Variants in GRM8 observed in about 807,000 individuals in gnomAD.
The protein encoded by GRM8 is glutamate metabotropic receptor 8.
GRM8 carries 47 observed loss-of-function variants against 87.2 expected under a neutral mutation model. The observed-to-expected ratio is 0.54, with a 90% CI of 0.43 to 0.69. The LOEUF (loss-of-function observed/expected upper bound fraction) is 0.69. Among genes scored for constraint, GRM8 ranks in the 30% least tolerant of loss-of-function variants. The pLI is 0.00. For synonymous variants in GRM8, 396 were observed against 404.5 expected (o/e 0.98, Z 0.25); for missense variants, 1,019 against 1,139.2 (o/e 0.89, Z 1.52).
At chr7:126,870,619 A>G (rs1290391313) in intron 6 of GRM8, 3 of 152,232 alleles carry the variant, frequency 2.0e-5, no homozygotes, top group Non-Finnish European at 2.9e-5. Flanking sequence ...ATGGGGGAAC[A>G]GCAGGTTGCT....
intron 7 of GRM8, among the ~76,000 whole-genome samples, chr7:126,694,723 T>G (rs1809192933): frequency 6.6e-6 from 1 of 152,246 alleles, no homozygotes. Context: ...GCAAAACTAG[T>G]TACATTTAAT....
At chr7:126,467,405 C>T (rs1804623989) in intron 9 of GRM8, among the ~76,000 whole-genome samples, 1 of 151,890 alleles carries the variant, frequency 6.6e-6, no homozygotes, top group African/African-American at 2.4e-5. Flanking sequence ...AATTTCTTTT[C>T]TTTTAAAAAA....
intron 9 of GRM8, among the ~76,000 whole-genome samples, chr7:126,487,913 A>C (rs935783030): frequency 2.0e-4 from 31 of 152,058 alleles, no homozygotes; most frequent in African/African-American, 6.8e-4. Context: ...CTCATTTTCA[A>C]GGAAATATCC....
At chr7:127,250,544 T>C (rs1362457593) in intron 1 of GRM8, among the ~76,000 whole-genome samples, 2 of 152,194 alleles carry the variant, frequency 1.3e-5, no homozygotes, top group African/African-American at 4.8e-5. Context: ...ATCTTAGACA[T>C]GGTACAACCT....
Position 127,053,804 on chromosome 7 carries a change from G to GGTT in GRM8, c.727+52691_727+52692insAAC, listed in dbSNP as rs1056487705. ...CTCTGTCTCAAAAAAAAAAAGGGGG[G>GGTT]GGGGAATATACATTTCATCTTGGTT... On this transcript the variant is annotated intron_variant, in intron 3 of 10. Transcript: ENST00000339582. Among the ~76,000 whole-genome samples, 2 of 135,150 alleles carry GGTT rather than the reference G, an allele frequency of 1.5e-5. 1 individual carries two copies. The highest frequency in any genetic ancestry group is 3.2e-5 in the Non-Finnish European group (2 of 62,196). The allele number at this position is 135,150 out of a possible 152,430, so 88.7% of individuals were successfully genotyped here.
At chr7:126,950,997 C>T (rs538912861) in intron 3 of GRM8, among the ~76,000 whole-genome samples, 5 of 151,916 alleles carry the variant, frequency 3.3e-5, no homozygotes, top group African/African-American at 9.6e-5. Context: ...ACGTGGCACA[C>T]CTATCTGCAA....
intron 2 of GRM8, among the ~76,000 whole-genome samples, chr7:127,151,218 C>G (rs1325520232): frequency 1.6e-4 from 25 of 151,952 alleles, no homozygotes; most frequent in Admixed American, 1.6e-3. Flanking sequence ...TTAGTCCTCA[C>G]AGGTTATGCT....
chr7:127,054,502 T>G lies in GRM8; in HGVS notation c.727+51994A>C, dbSNP rs11563763. 1.2e-4 allele frequency among the ~76,000 whole-genome samples: 19 copies of G among 152,268 alleles called. No homozygotes were observed. The East Asian group carries it at 3.7e-3, about 29-fold the overall frequency. On this transcript the variant is annotated intron_variant, in intron 3 of 10. Coordinates refer to ENST00000339582, the MANE Select transcript of GRM8 (RefSeq NM_000845.3). The stretch of plus-strand genomic sequence containing the variant: ...TGGTTATAAAATGCAGTCAATAATA[T>G]GCATTGCATTACAGCAAAACATCTG...
chr7:126,671,885 A>G, intron 7 of GRM8, among the ~76,000 whole-genome samples: 1 of 152,200 alleles, frequency 6.6e-6, no homozygotes, highest in Non-Finnish European at 1.5e-5. Flanking sequence ...ACTCAGCTCC[A>G]GTTTGACCTT....
chr7:126,796,918 A>G (rs1270134390), intron 6 of GRM8, among the ~76,000 whole-genome samples: 5 of 152,096 alleles, frequency 3.3e-5, no homozygotes, highest in African/African-American at 1.2e-4. Context: ...TCTCTTTAGG[A>G]TAAATAAATG....
intron 9 of GRM8, among the ~76,000 whole-genome samples, chr7:126,500,632 A>T (rs1467720771): frequency 6.6e-6 from 1 of 152,168 alleles, no homozygotes; most frequent in East Asian, 1.9e-4. Context: ...CATGAAAAAT[A>T]TTCAGTTAAA....
intron 7 of GRM8, among the ~76,000 whole-genome samples, chr7:126,613,832 G>A (rs1159406092): frequency 6.6e-6 from 1 of 152,174 alleles, no homozygotes; most frequent in Non-Finnish European, 1.5e-5. Context: ...GCTGGGGGAG[G>A]GGCACACGCC....
At chr7:126,824,191 T>C (rs1440750485) in intron 6 of GRM8, among the ~76,000 whole-genome samples, 2 of 152,188 alleles carry the variant, frequency 1.3e-5, no homozygotes, top group Non-Finnish European at 1.5e-5. Context: ...TAAGCATTGT[T>C]TATCCTTCAA....
Position 127,001,494 on chromosome 7 carries a change from G to C in GRM8, c.728-96811C>G, listed in dbSNP as rs1019043677. Among the ~76,000 whole-genome samples, 20 of 151,510 alleles carry C rather than the reference G, an allele frequency of 1.3e-4. No individual in the cohort carries two copies. The East Asian group carries it at 3.7e-3, about 28-fold the overall frequency. ...ACAGACACTTCATAAAAATACAAAG[G>C]CCACTAAGTACATCAAAAAATGCAC... On this transcript the variant is annotated intron_variant, in intron 3 of 10. Transcript: ENST00000339582.
At chr7:126,775,441 A>T (rs2299519) in intron 6 of GRM8, among the ~76,000 whole-genome samples, 5 of 147,518 alleles carry the variant, frequency 3.4e-5, no homozygotes, top group African/African-American at 1.3e-4. Flanking sequence ...GAACCACATC[A>T]CACACTAAAG....
intron 3 of GRM8, among the ~76,000 whole-genome samples, chr7:126,909,920 C>T (rs1803112955): frequency 6.6e-6 from 1 of 152,114 alleles, no homozygotes; most frequent in South Asian, 2.1e-4. Flanking sequence ...TCATCTTACC[C>T]ATCCACAATT....
intron 2 of GRM8, among the ~76,000 whole-genome samples, chr7:127,141,342 C>T (rs975332617): frequency 2.6e-5 from 4 of 151,430 alleles, no homozygotes; most frequent in East Asian, 1.9e-4. Context: ...TGAGTAGATG[C>T]TAGAATTCAT....
chr7:126,875,889 T>C (rs1391694889), intron 6 of GRM8, among the ~76,000 whole-genome samples: 1 of 152,184 alleles, frequency 6.6e-6, no homozygotes, highest in East Asian at 1.9e-4. Context: ...AAAATGCCTT[T>C]GTCTGTTGCC....
intron 2 of GRM8, among the ~76,000 whole-genome samples, chr7:127,214,318 AG>A (rs771108794): frequency 6.6e-6 from 1 of 152,236 alleles, no homozygotes; most frequent in Non-Finnish European, 1.5e-5. Flanking sequence ...CTGGTTACAT[AG>A]TACATTAATT....
Sources: allele counts gnomAD v4.1 joint callset (sites outside exome capture counted in the v4.1 genomes callset), GRCh38; gene constraint gnomAD v4.1.1; transcripts MANE v1.5; gene names NCBI Gene and HGNC (gene_info 2026-07-23, HGNC 2026-07-21).